Variants in CRYBA1 observed in about 807,000 individuals in gnomAD.
CRYBA1 encodes the protein crystallin beta A1.
CRYBA1 carries 25 observed loss-of-function variants against 36.2 expected under a neutral mutation model. The ratio of observed to expected loss-of-function variants is 0.69; its 90% CI spans 0.50 to 0.97. The LOEUF (loss-of-function observed/expected upper bound fraction) is 0.97, where lower values mean the gene tolerates loss of function less well. CRYBA1 is among the 50% of genes least tolerant of loss of function. The pLI is 0.00. For synonymous variants in CRYBA1, 111 were observed against 90.0 expected (o/e 1.23, Z -1.32); for missense variants, 224 against 276.3 (o/e 0.81, Z 1.34).
chr17:29,253,692 G>C lies in CRYBA1; in HGVS notation c.410G>C (p.Arg137Pro). ...TTTGAGAAGGAAAACTTTATTGGAC[G>C]CCAGTGGGAGATCTCTGACGACTAC... ...TIFEKENFIG[R>P]QWEISDDYPS... Residue 137 changes from arginine to proline, a missense_variant, in exon 5 of 6, where the codon CGC becomes CCC. Coordinates refer to ENST00000225387, the MANE Select transcript of CRYBA1 (RefSeq NM_005208.5). 1 of 1,613,878 alleles carries C rather than the reference G, an allele frequency of 6.2e-7. No individual in the cohort carries two copies. Among genetic ancestry groups the C allele is most frequent in the Non-Finnish European group, 8.5e-7 (1 of 1,179,790 alleles).
rs1036904576 is a variant in CRYBA1, at chr17:29,254,479, A to C, written c.*130A>C. 46 of 965,412 alleles carry C rather than the reference A, an allele frequency of 4.8e-5. No individual in the cohort carries two copies. In the Admixed American group the frequency reaches 1.0e-3, roughly 22 times the overall value. The allele number at this position is 965,412 out of a possible 1,614,324, so 59.8% of individuals were successfully genotyped here. On this transcript the variant is annotated 3_prime_UTR_variant, in exon 6 of 6. Transcript: ENST00000225387. ...GCTGCTGAAATCCACAATAAACGTCATTTAAAAAAAAAAAACTTTGTAGAC... is the reference window on the plus strand; with the variant it reads ...GCTGCTGAAATCCACAATAAACGTCCTTTAAAAAAAAAAAACTTTGTAGAC...
At chr17:29,253,872 G>A (rs969092080) in intron 5 of CRYBA1, 90 bp downstream of exon 5, 37 of 1,441,036 alleles carry the variant, frequency 2.6e-5, no homozygotes, top group Middle Eastern at 1.7e-4. Flanking sequence ...CATACGTATC[G>A]GTATAGATGT....
intron 2 of CRYBA1, 32 bp downstream of exon 2, chr17:29,249,238 A>G: frequency 6.8e-7 from 1 of 1,461,242 alleles, no homozygotes; most frequent in Non-Finnish European, 9.6e-7. Flanking sequence ...CCAACAGGGC[A>G]GGGGTGACAT....
rs1899579919 is a variant in CRYBA1 at position 29,251,533 on chromosome 17, C to T, written c.216-531C>T. Among the ~76,000 whole-genome samples, 4 of 151,856 alleles carry T rather than the reference C, an allele frequency of 2.6e-5. 1 individual carries two copies. In the South Asian group the frequency reaches 6.2e-4, roughly 24 times the overall value. ...TTTGAGGCAAGGTGTCACTCTGTTG[C>T]CCAGGCTGGAGTGCAGTGGCACAAT... On this transcript the variant is annotated intron_variant, in intron 3 of 5. Coordinates refer to ENST00000225387, the MANE Select transcript of CRYBA1 (RefSeq NM_005208.5).
In CRYBA1 at chr17:29,253,746, A is replaced by G. The variant is rs140057151; in HGVS notation, c.464A>G (p.Asn155Ser). Residue 155 changes from asparagine (N) to serine (S), a missense_variant, in exon 5 of 6, where the codon AAC (asparagine) becomes AGC (serine). Asn to Ser is a conservative substitution (Grantham distance 46, BLOSUM62 1). Coordinates refer to ENST00000225387, the MANE Select transcript of CRYBA1 (RefSeq NM_005208.5). Reference sequence around the variant, plus strand: ...TCCTTGCAAGCCATGGGCTGGTTCAACAACGAAGTCGGCTCCATGAAGATA... The same window carrying G: ...TCCTTGCAAGCCATGGGCTGGTTCAGCAACGAAGTCGGCTCCATGAAGATA... The part of the protein sequence containing the change: ...YPSLQAMGWF[N>S]NEVGSMKIQS... The G allele has an allele frequency of 4.6e-5, 75 of 1,614,110 alleles. No individual in the cohort carries two copies. The African/African-American group carries it at 9.3e-4, about 20-fold the overall frequency.
intron 4 of CRYBA1, 99 bp from the exon 5 acceptor site, chr17:29,253,541 T>C: frequency 1.0e-6 from 1 of 973,382 alleles, no homozygotes. Flanking sequence ...TATCATGTGC[T>C]TCCTTGTATA....
chr17:29,248,135 A>T (rs2068912385), intron 1 of CRYBA1, among the ~76,000 whole-genome samples: 1 of 151,544 alleles, frequency 6.6e-6, no homozygotes, highest in Non-Finnish European at 1.5e-5. Context: ...AAAAAGAAAA[A>T]GAAAAGCAGA....
At position 29,252,194 on chromosome 17, in the gene CRYBA1, A is replaced by T. The variant is rs1129656; in HGVS notation, c.346A>T (p.Ile116Phe). Residue 116 changes from isoleucine to phenylalanine, a missense_variant, in exon 4 of 6, where the codon ATC (isoleucine) becomes TTC (phenylalanine). Physicochemically the swap from Ile to Phe is conservative, Grantham distance 21. Coordinates refer to ENST00000225387, the MANE Select transcript of CRYBA1 (RefSeq NM_005208.5). ...TGAGCGTCTCATGTCCTTCCGCCCCATCTGTTCAGCTGTGAGTCTCTGAAA... is the reference window on the plus strand; with the variant it reads ...TGAGCGTCTCATGTCCTTCCGCCCCTTCTGTTCAGCTGTGAGTCTCTGAAA... ...HIERLMSFRPICSANHKESKM... is the reference protein window; with the variant it reads ...HIERLMSFRPFCSANHKESKM... The T allele has an allele frequency of 4.3e-6, 7 of 1,614,076 alleles. No individual in the cohort carries two copies. The East Asian group carries it at 1.6e-4, about 36-fold the overall frequency.
chr17:29,253,557 A>G (rs2068948772), intron 4 of CRYBA1, 83 bp from the exon 5 acceptor site: 6 of 1,175,990 alleles, frequency 5.1e-6, no homozygotes, highest in Non-Finnish European at 7.5e-6. Context: ...GTATAATCCA[A>G]AAGTGTTTCA....
chr17:29,252,015 G>A lies in CRYBA1; in HGVS notation c.216-49G>A, dbSNP rs777348858. ...AAACGAAAGATGCCTTCTCCCCAAGGCCATATAGGCTTTGAACACCATGAA... is the reference window on the plus strand; with the variant it reads ...AAACGAAAGATGCCTTCTCCCCAAGACCATATAGGCTTTGAACACCATGAA... On this transcript the variant is annotated intron_variant, in intron 3 of 5. Transcript: ENST00000225387. The A allele has an allele frequency of 2.9e-5, 46 of 1,613,790 alleles. No individual in the cohort carries two copies. The East Asian group carries it at 1.0e-3, about 36-fold the overall frequency.
At chr17:29,250,943 A>C (rs1239402609) in intron 3 of CRYBA1, among the ~76,000 whole-genome samples, 1 of 152,174 alleles carries the variant, frequency 6.6e-6, no homozygotes, top group South Asian at 2.1e-4. Context: ...ACTAGGCAGA[A>C]TTGGCCTTGC....
At chr17:29,247,766 C>G (rs2068909372) in intron 1 of CRYBA1, among the ~76,000 whole-genome samples, 2 of 152,184 alleles carry the variant, frequency 1.3e-5, no homozygotes, top group Non-Finnish European at 2.9e-5. Flanking sequence ...CTGGAGAAGG[C>G]AGGAAAGCCT....
chr17:29,250,592 G>A (rs2153009531), intron 3 of CRYBA1, among the ~76,000 whole-genome samples: 1 of 152,256 alleles, frequency 6.6e-6, no homozygotes, highest in East Asian at 1.9e-4. Flanking sequence ...CTCACAGGCT[G>A]CTACCTAGGG....
At chr17:29,252,315 A>T in intron 4 of CRYBA1, 110 bp downstream of exon 4, 1 of 1,431,610 alleles carries the variant, frequency 7.0e-7, no homozygotes, top group Non-Finnish European at 9.6e-7. Context: ...GTGGCAGGAA[A>T]AAAGACAAAA....
intron 1 of CRYBA1, among the ~76,000 whole-genome samples, chr17:29,247,303 C>T (rs539099149): frequency 2.7e-4 from 41 of 152,304 alleles, no homozygotes; most frequent in African/African-American, 7.5e-4. Context: ...GCCTGTCTTC[C>T]TTCTTCCCTT....
chr17:29,249,110 G>C (rs558069985), intron 1 of CRYBA1, 32 bp from the exon 2 acceptor site: 1 of 1,474,792 alleles, frequency 6.8e-7, no homozygotes, highest in Admixed American at 1.7e-5. Context: ...CTCCCAAGAG[G>C]CCACATCATT....
chr17:29,249,360 G>T (rs1277898820), intron 2 of CRYBA1, among the ~76,000 whole-genome samples, 154 bp downstream of exon 2: 1 of 152,218 alleles, frequency 6.6e-6, no homozygotes, highest in Non-Finnish European at 1.5e-5. Context: ...GTCGAAGGAA[G>T]GATCTCTCAG....
rs779791800 is a variant in CRYBA1 at position 29,250,275 on chromosome 17, C to T, written c.190C>T (p.Arg64Trp). 8.7e-6 allele frequency: 14 copies of T among 1,611,520 alleles called. No homozygotes were observed. Among genetic ancestry groups the T allele is most frequent in the South Asian group, 1.1e-5 (1 of 91,046 alleles). Residue 64 changes from arginine to tryptophan, a missense_variant, in exon 3 of 6, where the codon CGG becomes TGG. By Grantham distance (101) the Arg-to-Trp change is moderately radical. Transcript: ENST00000225387. ...CTCTGAGCGCAGTTTTGATAATGTC[C>T]GGTCCCTGAAGGTGGAAAGTGGCGC... ...NVSERSFDNV[R>W]SLKVESGAWI...
intron 1 of CRYBA1, among the ~76,000 whole-genome samples, chr17:29,248,530 A>C (rs562949264): frequency 6.6e-6 from 1 of 151,074 alleles, no homozygotes; most frequent in Non-Finnish European, 1.5e-5. Context: ...ATACCCGGCT[A>C]ATTTTTGTAT....
Sources: allele counts gnomAD v4.1 joint callset (sites outside exome capture counted in the v4.1 genomes callset), GRCh38; gene constraint gnomAD v4.1.1; transcripts MANE v1.5; gene names NCBI Gene and HGNC (gene_info 2026-07-23, HGNC 2026-07-21).